EXOC4: variants seen among roughly 807,000 people sequenced by gnomAD.
EXOC4 encodes exocyst complex component 4.
In EXOC4, 71 loss-of-function variants were observed where a neutral mutation model predicts 107.2. The observed-to-expected ratio is 0.66, with a 90% CI of 0.55 to 0.81. EXOC4 has a LOEUF of 0.81. Among genes scored for constraint, EXOC4 ranks in the 30% least tolerant of loss-of-function variants. The probability of loss-of-function intolerance (pLI) is 0.00; values close to 1 mark genes in which losing one functional copy is unlikely to be tolerated. For missense variants in EXOC4, 1,108 were observed against 1,189.6 expected (o/e 0.93, Z 1.01); for synonymous variants, 456 against 441.2 (o/e 1.03, Z -0.42).
intron 7 of EXOC4, among the ~76,000 whole-genome samples, chr7:133,408,851 A>G (rs1797288551): frequency 6.6e-6 from 1 of 152,160 alleles, no homozygotes; most frequent in African/African-American, 2.4e-5. Context: ...GTACTGTGGG[A>G]CTAGTATAAG....
intron 10 of EXOC4, among the ~76,000 whole-genome samples, chr7:133,750,573 A>G (rs1795775516): frequency 8.6e-6 from 1 of 116,534 alleles, no homozygotes; most frequent in Non-Finnish European, 1.7e-5. Flanking sequence ...GGGATTATGG[A>G]CTTGTTTTTA....
At chr7:133,799,278 C>G (rs927657783) in intron 10 of EXOC4, among the ~76,000 whole-genome samples, 14 of 152,162 alleles carry the variant, frequency 9.2e-5, no homozygotes, top group African/African-American at 3.1e-4. Flanking sequence ...CTAGATCACA[C>G]AGTCACACTC....
chr7:133,339,168 A>C (rs1263168275), intron 5 of EXOC4, among the ~76,000 whole-genome samples: 1 of 151,620 alleles, frequency 6.6e-6, no homozygotes, highest in African/African-American at 2.4e-5. Flanking sequence ...ATGGATCCCA[A>C]CTCCATCCAG....
intron 14 of EXOC4, among the ~76,000 whole-genome samples, chr7:133,990,316 A>G (rs1293829151): frequency 2.4e-5 from 3 of 125,330 alleles, no homozygotes; most frequent in Non-Finnish European, 4.6e-5. Context: ...ATCACCATTC[A>G]GCCTCCATGA....
intron 7 of EXOC4, among the ~76,000 whole-genome samples, chr7:133,437,196 TTA>T (rs1465038025): frequency 6.6e-6 from 1 of 152,198 alleles, no homozygotes; most frequent in Non-Finnish European, 1.5e-5. Flanking sequence ...TTTTTTTCTC[TTA>T]TAGTTTCTCA....
intron 1 of EXOC4, among the ~76,000 whole-genome samples, chr7:133,258,794 T>C (rs766282325): frequency 3.2e-4 from 48 of 152,204 alleles, no homozygotes; most frequent in Admixed American, 1.5e-3. Flanking sequence ...TGAATTAAGA[T>C]AGTAATTATT....
chr7:133,540,430 A>T (rs961892813), intron 9 of EXOC4, among the ~76,000 whole-genome samples: 1 of 152,206 alleles, frequency 6.6e-6, no homozygotes, highest in African/African-American at 2.4e-5. Flanking sequence ...ACTCCAACTG[A>T]TTACCCCATC....
intron 5 of EXOC4, among the ~76,000 whole-genome samples, chr7:133,335,077 A>G (rs2150612665): frequency 6.6e-6 from 1 of 152,346 alleles, no homozygotes. Flanking sequence ...ATGGTGGAAT[A>G]AATAACATGC....
chr7:133,719,413 A>C (rs189180141), intron 10 of EXOC4, among the ~76,000 whole-genome samples: 122 of 152,254 alleles, frequency 8.0e-4, no homozygotes, highest in Non-Finnish European at 1.0e-3. Flanking sequence ...GGCATTCCAC[A>C]TAGATTGGAA....
Position 133,312,699 on chromosome 7 carries a change from C to G in EXOC4, c.657-4585C>G, listed in dbSNP as rs534724091. ...CGTGGGGGGTGGATGGACAGACACT[C>G]ATTTTTAAATTTTTTTTCAAGCAGT... is the stretch of plus-strand genomic sequence containing the variant. On this transcript the variant is annotated intron_variant, in intron 4 of 17. Coordinates refer to ENST00000253861, the MANE Select transcript of EXOC4 (RefSeq NM_021807.4). 8.9e-4 allele frequency among the ~76,000 whole-genome samples: 135 copies of G among 151,876 alleles called. 1 individual carries two copies. Among genetic ancestry groups the G allele is most frequent in the African/African-American group, 3.0e-3 (124 of 41,460 alleles).
intron 17 of EXOC4, among the ~76,000 whole-genome samples, chr7:134,059,636 C>T (rs1408064377): frequency 1.3e-5 from 2 of 152,124 alleles, no homozygotes; most frequent in Non-Finnish European, 2.9e-5. Context: ...TTAACTAATT[C>T]TGTTTTTAGA....
intron 6 of EXOC4, among the ~76,000 whole-genome samples, chr7:133,360,101 C>T (rs2150664791): frequency 6.6e-6 from 1 of 152,338 alleles, no homozygotes; most frequent in East Asian, 1.9e-4. Flanking sequence ...GCGTCTTCAA[C>T]TTCAGATGGT....
Position 133,751,703 on chromosome 7 carries a change from G to A in EXOC4, c.1515-65622G>A, listed in dbSNP as rs140736540. Among the ~76,000 whole-genome samples, 7 of 152,128 alleles carry A rather than the reference G, an allele frequency of 4.6e-5. No homozygotes were observed. In the East Asian group the frequency reaches 5.8e-4, roughly 13 times the overall value. The stretch of plus-strand genomic sequence containing the variant: ...CTCTTTTTGTCACATGAGTTTTTAC[G>A]TTGTCTTAAAACTGTGAAACAGTTA... On this transcript the variant is annotated intron_variant, in intron 10 of 17. Coordinates refer to ENST00000253861, the MANE Select transcript of EXOC4 (RefSeq NM_021807.4).
chr7:134,071,634 C>T, the EXOC4 span, among the ~76,000 whole-genome samples: 1 of 152,164 alleles, frequency 6.6e-6, no homozygotes, highest in South Asian at 2.1e-4. Flanking sequence ...GTATGCCCTT[C>T]TTATCTCCTC....
chr7:134,033,592 G>A (rs1190071779), intron 17 of EXOC4, among the ~76,000 whole-genome samples: 1 of 152,154 alleles, frequency 6.6e-6, no homozygotes, highest in Non-Finnish European at 1.5e-5. Flanking sequence ...CCGAGGAAAA[G>A]AGAACAGAGA....
chr7:133,926,032 G>A (rs1453814340), intron 13 of EXOC4, among the ~76,000 whole-genome samples: 8 of 117,132 alleles, frequency 6.8e-5, no homozygotes, highest in African/African-American at 3.0e-4. Context: ...AACAGAGCAA[G>A]ACTCCGTCTC....
chr7:133,443,799 C>A (rs998222184), intron 7 of EXOC4, among the ~76,000 whole-genome samples: 3 of 152,272 alleles, frequency 2.0e-5, no homozygotes, highest in African/African-American at 7.2e-5. Flanking sequence ...GGGAAACACC[C>A]CCTCTCAAAG....
At chr7:133,895,887 C>T in intron 12 of EXOC4, 152 bp downstream of exon 12, 1 of 794,328 alleles carries the variant, frequency 1.3e-6, no homozygotes, top group East Asian at 2.7e-5. Flanking sequence ...GCCTCCTAGA[C>T]CTTTGTGTAG....
At chr7:133,600,137 A>G (rs992690208) in intron 9 of EXOC4, among the ~76,000 whole-genome samples, 2 of 152,070 alleles carry the variant, frequency 1.3e-5, no homozygotes, top group Non-Finnish European at 2.9e-5. Flanking sequence ...CCTGGCCTCA[A>G]GAAATCTGTT....
Sources: allele counts gnomAD v4.1 joint callset (sites outside exome capture counted in the v4.1 genomes callset), GRCh38; gene constraint gnomAD v4.1.1; transcripts MANE v1.5; gene names NCBI Gene and HGNC (gene_info 2026-07-23, HGNC 2026-07-21).